The following MGAT5B variants were observed in gnomAD, a reference collection of about 807,000 sequenced individuals.
The protein encoded by MGAT5B is alpha-1,6-mannosylglycoprotein 6-beta-N-acetylglucosaminyltransferase B.
In MGAT5B, 54 loss-of-function variants were observed where a neutral mutation model predicts 95.1. The observed-to-expected ratio is 0.57, with a 90% confidence interval of 0.46 to 0.71. MGAT5B has a LOEUF of 0.71. Ranked by LOEUF, MGAT5B falls within the 30% of genes least tolerant of loss-of-function variation. The probability of loss-of-function intolerance (pLI) is 0.00; values close to 1 mark genes in which losing one functional copy is unlikely to be tolerated. For synonymous variants in MGAT5B, 464 were observed against 451.0 expected (o/e 1.03, Z -0.36); for missense variants, 935 against 1,088.6 (o/e 0.86, Z 1.99).
chr17:76,918,902 G>A lies in MGAT5B; in HGVS notation c.1026-6064G>A, dbSNP rs992252663. On this transcript the variant is annotated intron_variant, in intron 8 of 17. Coordinates refer to ENST00000569840, the MANE Select transcript of MGAT5B (RefSeq NM_001199172.2). The surrounding 1 kb of genome is among the most constrained non-coding windows in gnomAD (Gnocchi z 5.1). ...GTCCCTCCCACACAAGAGAAAGAGA[G>A]AGAGAATAGTGTGTTCCACAATTTG... Among the ~76,000 whole-genome samples, 6 of 152,230 alleles carry A rather than the reference G, an allele frequency of 3.9e-5. No homozygotes were observed. Among genetic ancestry groups the A allele is most frequent in the African/African-American group, 1.4e-4 (6 of 41,452 alleles).
chr17:76,902,731 G>A, intron 4 of MGAT5B, 61 bp downstream of exon 4: 3 of 1,182,420 alleles, frequency 2.5e-6, no homozygotes, highest in Non-Finnish European at 3.7e-6. Flanking sequence ...TGGGTGCTGG[G>A]TGGGCCCTGG....
In MGAT5B at chr17:76,932,792, C is replaced by T. The variant is rs781068432; in HGVS notation, c.1422+17C>T. The stretch of plus-strand genomic sequence containing the variant: ...ATCTGGAAGGTGAGCGCGGCCCCTG[C>T]GCGCGGGAAGCACCAGCCTGCTCGG... On this transcript the variant is annotated intron_variant, in intron 11 of 17. Transcript: ENST00000569840. 10 of 1,612,302 alleles carry T rather than the reference C, an allele frequency of 6.2e-6. No individual in the cohort carries two copies. Among genetic ancestry groups the T allele is most frequent in the African/African-American group, 2.7e-5 (2 of 74,890 alleles).
intron 3 of MGAT5B, among the ~76,000 whole-genome samples, chr17:76,887,473 TCCTCCCTCCCTCCCTC>T (rs1164605535): frequency 8.9e-4 from 17 of 19,016 alleles, no homozygotes; most frequent in African/African-American, 3.6e-3. Context: ...CTCCCTCCCT[TCCTCCCTCCCTCCCTC>T]CCTCCCTTCC....
intron 15 of MGAT5B, among the ~76,000 whole-genome samples, chr17:76,944,701 A>C (rs1431768496): frequency 6.6e-6 from 1 of 152,174 alleles, no homozygotes; most frequent in Non-Finnish European, 1.5e-5. Flanking sequence ...GTGCTGGGGC[A>C]ATGTCCGGCT....
chr17:76,889,181 C>T lies in MGAT5B; in HGVS notation c.329+6883C>T, dbSNP rs903369560. Among the ~76,000 whole-genome samples, 1 of 152,082 alleles carries T rather than the reference C, an allele frequency of 6.6e-6. No homozygotes were observed. Among genetic ancestry groups the T allele is most frequent in the Non-Finnish European group, 1.5e-5 (1 of 68,020 alleles). ...ATGCAGTGAGAAGATGCAGGGCTGG[C>T]GCAGGGGCAGTGTCAGCCCTGGGAG... On this transcript the variant is annotated intron_variant, in intron 3 of 17. Coordinates refer to ENST00000569840, the MANE Select transcript of MGAT5B (RefSeq NM_001199172.2). This position sits in a 1 kb window ranked among gnomAD's most constrained non-coding sequence, Gnocchi z 4.4.
At chr17:76,943,625 G>T (rs902737497) in intron 15 of MGAT5B, among the ~76,000 whole-genome samples, 3 of 118,920 alleles carry the variant, frequency 2.5e-5, no homozygotes, top group African/African-American at 3.5e-5. Flanking sequence ...GGGTGGGGTG[G>T]GGGGGGGGTC....
At chr17:76,874,655 C>A (rs1007109698) in intron 2 of MGAT5B, among the ~76,000 whole-genome samples, 1 of 151,832 alleles carries the variant, frequency 6.6e-6, no homozygotes, top group Non-Finnish European at 1.5e-5. Flanking sequence ...GGTTTTTGGC[C>A]GGGCTCTGGT....
Position 76,926,714 on chromosome 17 carries a change from G to A in MGAT5B, c.1275G>A (p.Gln425=). 1 of 1,612,762 alleles carries A rather than the reference G, an allele frequency of 6.2e-7. No homozygotes were observed. The highest frequency in any genetic ancestry group is 1.1e-5 in the South Asian group (1 of 91,090). Residue 425 remains glutamine (Q), a synonymous_variant, in exon 10 of 18, where the codon CAG becomes CAA. Coordinates refer to ENST00000569840, the MANE Select transcript of MGAT5B (RefSeq NM_001199172.2). ...NWGYWNLNPK[Q]FMTMFPHTPD... ...GCTACTGGAACCTCAACCCCAAGCAGTTCATGACCATGTTTCGTGAGTGCC... is the reference window on the plus strand; with the variant it reads ...GCTACTGGAACCTCAACCCCAAGCAATTCATGACCATGTTTCGTGAGTGCC...
At chr17:76,913,772 A>T (rs769166714) in intron 8 of MGAT5B, 1 of 476,606 alleles carries the variant, frequency 2.1e-6, no homozygotes, top group Non-Finnish European at 4.2e-6. Flanking sequence ...CACATTGCTC[A>T]TTGAAAAGCC....
At chr17:76,893,828 G>A (rs1173426181) in intron 3 of MGAT5B, among the ~76,000 whole-genome samples, 5 of 152,116 alleles carry the variant, frequency 3.3e-5, no homozygotes, top group East Asian at 1.9e-4. Context: ...GACTGGGGGC[G>A]GGGGGTGCCA....
chr17:76,925,934 C>G (rs1969299309), intron 9 of MGAT5B, among the ~76,000 whole-genome samples: 1 of 152,170 alleles, frequency 6.6e-6, no homozygotes, highest in South Asian at 2.1e-4. Flanking sequence ...TCGTCTGGCC[C>G]TGTGGTTGGC....
At chr17:76,882,363 G>A (rs1967460181) in intron 3 of MGAT5B, 65 bp downstream of exon 3, 7 of 1,520,854 alleles carry the variant, frequency 4.6e-6, no homozygotes, top group African/African-American at 1.4e-5. Context: ...CTCCATCCGG[G>A]GTGCTGTCCG....
intron 2 of MGAT5B, among the ~76,000 whole-genome samples, chr17:76,878,292 G>A (rs1044144132): frequency 6.6e-6 from 1 of 152,158 alleles, no homozygotes; most frequent in Non-Finnish European, 1.5e-5. Context: ...AGGTCTCAGG[G>A]GTTTCTGGAG....
Position 76,912,109 on chromosome 17 carries a change from T to G in MGAT5B, c.1025+5922T>G, listed in dbSNP as rs1002389042. ...GATTTCCCCTCCCTATAAGGACCTATTGGATTAGGGCCCACCCTAATGCCC... is the reference window on the plus strand; with the variant it reads ...GATTTCCCCTCCCTATAAGGACCTAGTGGATTAGGGCCCACCCTAATGCCC... On this transcript the variant is annotated intron_variant, in intron 8 of 17. Coordinates refer to ENST00000569840, the MANE Select transcript of MGAT5B (RefSeq NM_001199172.2). This position sits in a 1 kb window ranked among gnomAD's most constrained non-coding sequence, Gnocchi z 5.0. Among the ~76,000 whole-genome samples, 1 of 152,188 alleles carries G rather than the reference T, an allele frequency of 6.6e-6. No individual in the cohort carries two copies. The highest frequency in any genetic ancestry group is 2.4e-5 in the African/African-American group (1 of 41,444).
intron 8 of MGAT5B, among the ~76,000 whole-genome samples, chr17:76,922,908 C>G (rs1969163609): frequency 6.6e-6 from 1 of 152,142 alleles, no homozygotes. Flanking sequence ...GTGGGGACAG[C>G]TCAGGAGGCT....
At chr17:76,892,228 AG>A (rs909979970) in intron 3 of MGAT5B, among the ~76,000 whole-genome samples, 1 of 152,118 alleles carries the variant, frequency 6.6e-6, no homozygotes. Flanking sequence ...CTGTATTTTT[AG>A]GGGAGATGGG....
rs562830055 is a variant in MGAT5B, at chr17:76,877,576, C to T, written c.182-4575C>T. Reference sequence around the variant, plus strand: ...GCTTGATGGATGGGGGACCGGGGCCCGGAGGTCTGAGGAAGAGCCTGGTGT... The same window carrying T: ...GCTTGATGGATGGGGGACCGGGGCCTGGAGGTCTGAGGAAGAGCCTGGTGT... On this transcript the variant is annotated intron_variant, in intron 2 of 17. Transcript: ENST00000569840. Among the ~76,000 whole-genome samples, 12 of 152,220 alleles carry T rather than the reference C, an allele frequency of 7.9e-5. No homozygotes were observed. The East Asian group carries it at 9.6e-4, about 12-fold the overall frequency.
In MGAT5B at chr17:76,915,348, G is replaced by A. The variant is rs1968890632; in HGVS notation, c.1025+9161G>A. On this transcript the variant is annotated intron_variant, in intron 8 of 17. Transcript: ENST00000569840. The surrounding 1 kb of genome is among the most constrained non-coding windows in gnomAD (Gnocchi z 8.7). ...AGCGGGGTGGGGGGCCTGGGCTGGG[G>A]GCCGGGGATCGGGCACTCCTCTCTG... Among the ~76,000 whole-genome samples, 1 of 151,942 alleles carries A rather than the reference G, an allele frequency of 6.6e-6. No individual in the cohort carries two copies. Among genetic ancestry groups the A allele is most frequent in the Non-Finnish European group, 1.5e-5 (1 of 68,014 alleles).
chr17:76,936,640 G>C lies in MGAT5B; in HGVS notation c.1429-1348G>C, dbSNP rs192184280. On this transcript the variant is annotated intron_variant, in intron 12 of 17. Transcript: ENST00000569840. Reference sequence around the variant, plus strand: ...AACTTTTACATATAATAAGTAAAAAGTTCTTTTACGTTTTTGCGTGTAGAT... The same window carrying C: ...AACTTTTACATATAATAAGTAAAAACTTCTTTTACGTTTTTGCGTGTAGAT... Among the ~76,000 whole-genome samples the C allele has an allele frequency of 5.9e-3, 893 of 152,272 alleles. 13 individuals are homozygous for C. Among genetic ancestry groups the C allele is most frequent in the Non-Finnish European group, 5.4e-3 (366 of 68,006 alleles).
Sources: gnomAD v4.1 joint callset for allele counts (sites outside exome capture counted in the v4.1 genomes callset) on GRCh38, gnomAD v4.1.1 for gene constraint, Gnocchi (gnomAD v3.1) non-coding constraint, MANE v1.5 for transcripts, NCBI Gene and HGNC (gene_info 2026-07-23, HGNC 2026-07-21) for gene names.